SNX20: variants seen among roughly 807,000 people sequenced by gnomAD.
The protein encoded by SNX20 is sorting nexin 20.
A neutral mutation model predicts 24.5 loss-of-function variants in SNX20; 21 were observed. The observed-to-expected ratio is 0.86, with a 90% CI of 0.61 to 1.23. The LOEUF (loss-of-function observed/expected upper bound fraction) is 1.23, where lower values mean the gene tolerates loss of function less well. Ranked by LOEUF, SNX20 falls within the 50% of genes most tolerant of loss-of-function variation. SNX20 has a pLI of 0.00. For synonymous variants in SNX20, 206 were observed against 192.8 expected, an observed-to-expected ratio of 1.07 and a Z score of -0.57; for missense variants, 433 against 430.8, an observed-to-expected ratio of 1.00 and a Z score of -0.04.
At chr16:50,674,963 G>T (rs1256600058) in intron 3 of SNX20, among the ~76,000 whole-genome samples, 3 of 152,186 alleles carry the variant, frequency 2.0e-5, no homozygotes, top group Non-Finnish European at 4.4e-5. Context: ...GGTTTTAGAT[G>T]AGTAATTTAA....
chr16:50,675,981 T>C, intron 2 of SNX20, 60 bp from the exon 3 acceptor site: 1 of 1,514,528 alleles, frequency 6.6e-7, no homozygotes, highest in Non-Finnish European at 8.8e-7. Context: ...AGGCATGGGC[T>C]TGGGGAGATG....
At chr16:50,666,594 T>G (rs1349028934) in exon 4 of SNX20, 1 of 152,202 alleles carries the variant, frequency 6.6e-6, no homozygotes, top group Admixed American at 6.5e-5. Flanking sequence ...AGGGAAATGC[T>G]CATAATATAT....
Position 50,673,284 on chromosome 16 carries a change from G to A in SNX20, c.*122C>T. The A allele has an allele frequency of 2.9e-6, 4 of 1,363,494 alleles. No homozygotes were observed. The highest frequency in any genetic ancestry group is 3.8e-6 in the Non-Finnish European group (4 of 1,059,774). 84.5% of individuals were successfully genotyped at this position (1,363,494 alleles called of 1,614,324 possible). A position where few individuals can be genotyped will look rare whatever the true frequency, so the allele number is the denominator to read the frequency against. ...CCACTGCACTTCAGTCTGGGTGACAGAGCAAGACTGTCTCAAATAACAAAA... is the reference window on the plus strand; with the variant it reads ...CCACTGCACTTCAGTCTGGGTGACAAAGCAAGACTGTCTCAAATAACAAAA... On this transcript the variant is annotated 3_prime_UTR_variant, in exon 4 of 4. Coordinates refer to ENST00000330943, the MANE Select transcript of SNX20 (RefSeq NM_182854.4). The surrounding 1 kb of genome is among the most constrained non-coding windows in gnomAD (Gnocchi z 4.1).
downstream of SNX20, chr16:50,668,814 A>G (rs1962975062): frequency 1.6e-6 from 2 of 1,276,382 alleles, no homozygotes; most frequent in African/African-American, 1.5e-5. Context: ...TCCAAAACAG[A>G]GTTCCAGCTA....
Position 50,677,464 on chromosome 16 carries a change from T to C in SNX20, c.63A>G (p.Ala21=), listed in dbSNP as rs774141153. The C allele has an allele frequency of 6.2e-7, 1 of 1,610,212 alleles. No individual in the cohort carries two copies. The highest frequency in any genetic ancestry group is 8.5e-7 in the Non-Finnish European group (1 of 1,178,150). ...GCMGPITQCT[A]RTQQEAPATG... ...TGGCTGGTGCTTCCTGCTGGGTCCT[T>C]GCCGTGCACTGGGTTATGGGTCCCA... Residue 21 remains alanine (A), a synonymous_variant, in exon 2 of 4, where the codon GCA becomes GCG. Coordinates refer to ENST00000330943, the MANE Select transcript of SNX20 (RefSeq NM_182854.4).
chr16:50,668,020 G>T (rs749962451), downstream of SNX20: 1 of 1,551,584 alleles, frequency 6.4e-7, no homozygotes, highest in African/African-American at 1.4e-5. Flanking sequence ...TGATATCAGG[G>T]TGTGGCGTCA....
Position 50,673,929 on chromosome 16 carries a change from T to G in SNX20, c.428A>C (p.Lys143Thr). ...CTCAGCGAAGTTCCCAGTCAGGTGC[T>G]TCCTGGGAAACTCCACGTCTTCGAT... Reference protein sequence around the residue: ...EEIEDVEFPRKHLTGNFAEEM... With the variant: ...EEIEDVEFPRTHLTGNFAEEM... The change falls in exon 4 of 4, where the codon AAG becomes ACG. Residue 143 changes from lysine to threonine, a missense_variant. By Grantham distance (78) the Lys-to-Thr change is moderately conservative. Transcript: ENST00000330943. This position sits in a 1 kb window ranked among gnomAD's most constrained non-coding sequence, Gnocchi z 4.1. 4 of 1,612,646 alleles carry G rather than the reference T, an allele frequency of 2.5e-6. No individual in the cohort carries two copies. Among genetic ancestry groups the G allele is most frequent in the Non-Finnish European group, 3.4e-6 (4 of 1,179,674 alleles).
At chr16:50,674,291 C>G (rs1596794519) in intron 3 of SNX20, among the ~76,000 whole-genome samples, 1 of 151,796 alleles carries the variant, frequency 6.6e-6, no homozygotes, top group East Asian at 1.9e-4. Context: ...GCACTGTTAC[C>G]CAGGCTGGAG....
At chr16:50,674,183 C>T (rs910362280) in intron 3 of SNX20, 109 bp from the exon 4 acceptor site, 175 of 1,360,590 alleles carry the variant, frequency 1.3e-4, no homozygotes, top group Non-Finnish European at 1.6e-4. Context: ...GCCCTGAAAA[C>T]GGGCGATCCT....
chr16:50,668,348 GTCTC>G (rs1334011129), downstream of SNX20: 5 of 1,161,872 alleles, frequency 4.3e-6, no homozygotes, highest in Non-Finnish European at 5.6e-6. Flanking sequence ...CTCTGTCTCT[GTCTC>G]TCTCTCTTTT....
In SNX20 at chr16:50,673,800, C is replaced by A. The variant is rs1395937122; in HGVS notation, c.557G>T (p.Arg186Leu). Reference protein sequence around the residue: ...RSREFLDFLTRPELREAFGCL... With the variant: ...RSREFLDFLTLPELREAFGCL... ...GCCGAAAGCCTCGCGCAGCTCCGGC[C>A]GCGTGAGGAAGTCCAGGAACTCCCG... The change falls in exon 4 of 4, where the codon CGG (arginine) becomes CTG (leucine). Residue 186 changes from arginine to leucine, a missense_variant. Physicochemically the swap from Arg to Leu is moderately radical, Grantham distance 102 (BLOSUM62 -2). Transcript: ENST00000330943. This position sits in a 1 kb window ranked among gnomAD's most constrained non-coding sequence, Gnocchi z 4.1. 60 of 1,583,518 alleles carry A rather than the reference C, an allele frequency of 3.8e-5. No homozygotes were observed. Among genetic ancestry groups the A allele is most frequent in the Non-Finnish European group, 4.9e-5 (57 of 1,170,828 alleles).
Position 50,674,225 on chromosome 16 carries a change from GTTTGTTTATTTA to G in SNX20, c.283-163_283-152del, listed in dbSNP as rs1193921568. 1,416 of 885,378 alleles carry G rather than the reference GTTTGTTTATTTA, an allele frequency of 1.6e-3. 20 individuals are homozygous for G. In the African/African-American group the frequency reaches 0.026, roughly 17 times the overall value. 54.8% of individuals were successfully genotyped at this position (885,378 alleles called of 1,614,324 possible). On this transcript the variant is annotated intron_variant, in intron 3 of 3. Coordinates refer to ENST00000330943, the MANE Select transcript of SNX20 (RefSeq NM_182854.4). ...CAATTGTTTGTTTGTTTGTTTGTTT[GTTTGTTTATTTA>G]TTTATTTATTTATTTATTTATTTAT...
At position 50,673,778 on chromosome 16, in the gene SNX20, G is replaced by C; in HGVS notation, c.579C>G (p.Phe193Leu). Residue 193 changes from phenylalanine to leucine, a missense_variant, in exon 4 of 4, where the codon TTC becomes TTG. By Grantham distance (22) the Phe-to-Leu change is conservative (BLOSUM62 0). Coordinates refer to ENST00000330943, the MANE Select transcript of SNX20 (RefSeq NM_182854.4). This position sits in a 1 kb window ranked among gnomAD's most constrained non-coding sequence, Gnocchi z 4.1. ...FLTRPELREAFGCLRAGQYPR... is the reference protein window; with the variant it reads ...FLTRPELREALGCLRAGQYPR... ...GGTACTGGCCGGCCCGCAGGCAGCCGAAAGCCTCGCGCAGCTCCGGCCGCG... is the reference window on the plus strand; with the variant it reads ...GGTACTGGCCGGCCCGCAGGCAGCCCAAAGCCTCGCGCAGCTCCGGCCGCG... 1 of 1,548,202 alleles carries C rather than the reference G, an allele frequency of 6.5e-7. No homozygotes were observed. The highest frequency in any genetic ancestry group is 8.7e-7 in the Non-Finnish European group (1 of 1,154,568).
At chr16:50,669,576 T>G (rs1962995304), downstream of SNX20, 1 of 159,598 alleles carries the variant, frequency 6.3e-6, no homozygotes, top group South Asian at 1.8e-4. Flanking sequence ...GTGACCACCA[T>G]GCATCCAAAC....
intron 1 of SNX20, among the ~76,000 whole-genome samples, chr16:50,680,587 G>A (rs1473250307): frequency 2.0e-5 from 3 of 152,182 alleles, no homozygotes; most frequent in African/African-American, 7.2e-5. Context: ...TTTTCATGGG[G>A]GATGAGCCTC....
chr16:50,679,821 TGG>T (rs1226782526), intron 1 of SNX20, among the ~76,000 whole-genome samples: 1 of 152,056 alleles, frequency 6.6e-6, no homozygotes, highest in Non-Finnish European at 1.5e-5. Context: ...CTGGGATTCT[TGG>T]GGGCCCAGGG....
In SNX20 at chr16:50,673,595, C is replaced by T; in HGVS notation, c.762G>A (p.Leu254=). ...AEAFAAGERA[L]QRLQAREGHR... ...GGCCCTCCCGGGCCTGCAGGCGCTG[C>T]AGGGCCCTCTCTCCGGCCGCGAAGG... Residue 254 remains leucine, a synonymous_variant, in exon 4 of 4, where the codon CTG becomes CTA. Coordinates refer to ENST00000330943, the MANE Select transcript of SNX20 (RefSeq NM_182854.4). This position sits in a 1 kb window ranked among gnomAD's most constrained non-coding sequence, Gnocchi z 4.1. 2 of 1,587,048 alleles carry T rather than the reference C, an allele frequency of 1.3e-6. No individual in the cohort carries two copies. Among genetic ancestry groups the T allele is most frequent in the Non-Finnish European group, 1.7e-6 (2 of 1,172,236 alleles).
intron 3 of SNX20, among the ~76,000 whole-genome samples, 180 bp from the exon 4 acceptor site, chr16:50,674,254 TTTATTTA>T (rs1273236025): frequency 9.1e-4 from 137 of 150,072 alleles, no homozygotes; most frequent in African/African-American, 3.3e-3. Context: ...TATTTATTTA[TTTATTTA>T]TTTTTAGAGA....
In SNX20 at chr16:50,673,380, G is replaced by T; in HGVS notation, c.*26C>A. ...GAGCCATGGTGACCCCAAATCTCCA[G>T]CGTCCCTGCGGGGTCCCAGGCCGGC... On this transcript the variant is annotated 3_prime_UTR_variant, in exon 4 of 4. Coordinates refer to ENST00000330943, the MANE Select transcript of SNX20 (RefSeq NM_182854.4). The surrounding 1 kb of genome is among the most constrained non-coding windows in gnomAD (Gnocchi z 4.1). 1 of 1,447,408 alleles carries T rather than the reference G, an allele frequency of 6.9e-7. No homozygotes were observed. The allele number at this position is 1,447,408 out of a possible 1,614,324, so 89.7% of individuals were successfully genotyped here. A position where few individuals can be genotyped will look rare whatever the true frequency, so the allele number is the denominator to read the frequency against.
Sources: allele counts gnomAD v4.1 joint callset (sites outside exome capture counted in the v4.1 genomes callset), GRCh38; gene constraint gnomAD v4.1.1; non-coding constraint Gnocchi (gnomAD v3.1); transcripts MANE v1.5; gene names NCBI Gene and HGNC (gene_info 2026-07-23, HGNC 2026-07-21).